ARID1B: variants seen among roughly 807,000 people sequenced by gnomAD.
ARID1B encodes the protein AT-rich interaction domain 1B.
ARID1B carries 30 observed loss-of-function variants against 212.3 expected under a neutral mutation model. The ratio of observed to expected loss-of-function variants is 0.14; its 90% confidence interval spans 0.11 to 0.19. ARID1B has a LOEUF of 0.19. Among genes scored for constraint, ARID1B ranks in the 10% least tolerant of loss-of-function variants. The pLI, the probability that ARID1B is intolerant of heterozygous loss-of-function variation, is 1.00. For synonymous variants in ARID1B, 1,402 were observed against 1,301.7 expected (o/e 1.08, Z -1.66); for missense variants, 2,891 against 3,204.0 (o/e 0.90, Z 2.36).
At position 157,047,631 on chromosome 6, in the gene ARID1B, C is replaced by T. The variant is rs952640370; in HGVS notation, c.2248-37031C>T. ...GATTCTGTTCATTTTTGTAAAAAGA[C>T]GTTAGGAATTAAACATGGCCTCACG... On this transcript the variant is annotated intron_variant, in intron 4 of 19. Transcript: ENST00000636930. Among the ~76,000 whole-genome samples the T allele has an allele frequency of 5.9e-5, 9 of 152,214 alleles. No individual in the cohort carries two copies. In the East Asian group the frequency reaches 1.3e-3, roughly 23 times the overall value.
intron 4 of ARID1B, among the ~76,000 whole-genome samples, chr6:157,043,692 T>G (rs535463576): frequency 6.6e-6 from 1 of 152,386 alleles, no homozygotes; most frequent in African/African-American, 2.4e-5. Flanking sequence ...TTCTGTATTC[T>G]GGGATTTCCT....
At position 156,933,196 on chromosome 6, in the gene ARID1B, A is replaced by G. The variant is rs898106242; in HGVS notation, c.2137-2270A>G. 7.9e-5 allele frequency among the ~76,000 whole-genome samples: 12 copies of G among 152,274 alleles called. No homozygotes were observed. The South Asian group carries it at 1.0e-3, about 13-fold the overall frequency. On this transcript the variant is annotated intron_variant, in intron 3 of 19. Transcript: ENST00000636930. ...AAAGAAACATAAAAGGGTAATATGC[A>G]TAGGACTTTTGAGCCTGTTACTATT...
At chr6:157,040,401 T>C (rs762113582) in intron 4 of ARID1B, among the ~76,000 whole-genome samples, 1 of 152,224 alleles carries the variant, frequency 6.6e-6, no homozygotes, top group African/African-American at 2.4e-5. Flanking sequence ...CACAGAACAT[T>C]TCTGAGCCTG....
intron 2 of ARID1B, chr6:156,871,654 C>G (rs149539553): frequency 6.2e-7 from 1 of 1,612,128 alleles, no homozygotes; most frequent in East Asian, 2.2e-5. Context: ...TTCTGGTTGG[C>G]AAGTATCTTC....
chr6:156,875,075 T>C (rs934649196), intron 2 of ARID1B, among the ~76,000 whole-genome samples: 1 of 152,220 alleles, frequency 6.6e-6, no homozygotes, highest in African/African-American at 2.4e-5. Context: ...TGAAAGACCA[T>C]CTCTAAATGG....
chr6:157,146,285 C>T (rs1027812960), intron 7 of ARID1B, among the ~76,000 whole-genome samples: 7 of 152,326 alleles, frequency 4.6e-5, no homozygotes, highest in Admixed American at 3.3e-4. Flanking sequence ...CTGAGAACAC[C>T]TCTTCATGTG....
At chr6:156,976,068 G>C (rs549077608) in intron 4 of ARID1B, among the ~76,000 whole-genome samples, 7 of 152,046 alleles carry the variant, frequency 4.6e-5, no homozygotes, top group Non-Finnish European at 1.0e-4. Context: ...GTACATAAGC[G>C]CAAGGGCTGG....
At chr6:157,017,055 G>A (rs1278573589) in intron 4 of ARID1B, among the ~76,000 whole-genome samples, 1 of 152,156 alleles carries the variant, frequency 6.6e-6, no homozygotes, top group Non-Finnish European at 1.5e-5. Context: ...GTTTCCCTTT[G>A]CTTAGTGTGG....
chr6:156,911,338 G>GTTTT (rs57374747), intron 3 of ARID1B, among the ~76,000 whole-genome samples: 1 of 105,354 alleles, frequency 9.5e-6, no homozygotes, highest in Non-Finnish European at 2.0e-5. Flanking sequence ...TAAATAATTA[G>GTTTT]TTTTTTTTTT....
intron 7 of ARID1B, chr6:157,140,681 G>C: frequency 2.5e-6 from 1 of 398,626 alleles, no homozygotes; most frequent in Non-Finnish European, 4.4e-6. Flanking sequence ...CAGATGGCGA[G>C]ACCCACCTCC....
intron 2 of ARID1B, among the ~76,000 whole-genome samples, chr6:156,854,342 G>T (rs987536246): frequency 1.3e-5 from 2 of 152,158 alleles, no homozygotes; most frequent in African/African-American, 2.4e-5. Context: ...AGTGATTATT[G>T]ACTTGTACTT....
chr6:156,822,963 G>A (rs1782464105), intron 1 of ARID1B, among the ~76,000 whole-genome samples: 1 of 152,186 alleles, frequency 6.6e-6, no homozygotes, highest in South Asian at 2.1e-4. Flanking sequence ...GAGGCATTTT[G>A]AGCTATATTT....
chr6:157,157,772 C>T (rs1790669826), intron 8 of ARID1B, among the ~76,000 whole-genome samples: 1 of 152,176 alleles, frequency 6.6e-6, no homozygotes, highest in South Asian at 2.1e-4. Context: ...CCCGTAATCC[C>T]AGTACTTTGG....
intron 2 of ARID1B, among the ~76,000 whole-genome samples, chr6:156,879,367 G>C (rs1562454807): frequency 6.6e-6 from 1 of 152,176 alleles, no homozygotes; most frequent in Non-Finnish European, 1.5e-5. Flanking sequence ...ATAAAAATTA[G>C]GAAAACTGTA....
intron 7 of ARID1B, among the ~76,000 whole-genome samples, chr6:157,145,647 G>A (rs1789674113): frequency 6.6e-6 from 1 of 152,166 alleles, no homozygotes; most frequent in African/African-American, 2.4e-5. Flanking sequence ...TTGACCATTA[G>A]GGTAACATTG....
chr6:156,784,628 C>T (rs1779507894), intron 1 of ARID1B, among the ~76,000 whole-genome samples: 1 of 152,146 alleles, frequency 6.6e-6, no homozygotes, highest in Non-Finnish European at 1.5e-5. Flanking sequence ...TTTTAATTAG[C>T]AATTCACTTT....
At chr6:157,187,128 G>A (rs1009316044) in intron 13 of ARID1B, among the ~76,000 whole-genome samples, 1 of 152,188 alleles carries the variant, frequency 6.6e-6, no homozygotes, top group Admixed American at 6.5e-5. Context: ...TGGCGATCTT[G>A]TTATAAAGCA....
At chr6:157,167,275 G>A (rs556220749) in intron 9 of ARID1B, 90 bp downstream of exon 9, 6 of 1,464,948 alleles carry the variant, frequency 4.1e-6, no homozygotes, top group Non-Finnish European at 4.5e-6. Context: ...AACGGCCCGA[G>A]AAGGTGGATC....
chr6:157,122,365 C>T (rs1400529831), intron 6 of ARID1B, among the ~76,000 whole-genome samples: 1 of 152,178 alleles, frequency 6.6e-6, no homozygotes, highest in African/African-American at 2.4e-5. Context: ...TAAAACAGTC[C>T]TTTCAAAATG....
Sources: gnomAD v4.1 joint callset for allele counts (sites outside exome capture counted in the v4.1 genomes callset) on GRCh38, gnomAD v4.1.1 for gene constraint, MANE v1.5 for transcripts, NCBI Gene and HGNC (gene_info 2026-07-23, HGNC 2026-07-21) for gene names.